Variants in RBFOX1 observed in about 807,000 individuals in gnomAD.
RBFOX1 encodes the protein RNA binding protein fox-1 homolog 1.
RBFOX1 carries 8 observed loss-of-function variants against 57.7 expected under a neutral mutation model. The ratio of observed to expected loss-of-function variants is 0.14; its 90% CI spans 0.08 to 0.25. The LOEUF is 0.25. Ranked by LOEUF, RBFOX1 falls within the 10% of genes least tolerant of loss-of-function variation. The probability of loss-of-function intolerance (pLI) is 1.00; values close to 1 mark genes in which losing one functional copy is unlikely to be tolerated. For synonymous variants in RBFOX1, 326 were observed against 222.4 expected (o/e 1.47, Z -4.15); for missense variants, 611 against 548.5 (o/e 1.11, Z -1.14).
Position 6,305,084 on chromosome 16 carries a change from C to G in RBFOX1, c.-126-11911C>G, listed in dbSNP as rs559712481. On this transcript the variant is annotated intron_variant, in intron 1 of 15. Transcript: ENST00000550418. Reference sequence around the variant, plus strand: ...AGCTAATCACAGCCCCATGGCACGTCTGAGCTCCTTTCTTGTAAAAGCACA... The same window carrying G: ...AGCTAATCACAGCCCCATGGCACGTGTGAGCTCCTTTCTTGTAAAAGCACA... 4.6e-5 allele frequency among the ~76,000 whole-genome samples: 7 copies of G among 152,298 alleles called. 1 individual carries two copies. The highest frequency in any genetic ancestry group is 1.7e-4 in the African/African-American group (7 of 41,574).
At chr16:6,882,904 C>T (rs189052460) in intron 3 of RBFOX1, among the ~76,000 whole-genome samples, 115 of 152,244 alleles carry the variant, frequency 7.6e-4, no homozygotes, top group South Asian at 4.2e-3. Flanking sequence ...ATTATACTTA[C>T]CAGGAGTTAT....
At chr16:5,465,322 C>T (rs1035551286) in intron 1 of RBFOX1, among the ~76,000 whole-genome samples, 9 of 152,154 alleles carry the variant, frequency 5.9e-5, no homozygotes, top group Admixed American at 5.2e-4. Flanking sequence ...CTTATGAAGA[C>T]AGAAGTCAGA....
chr16:7,157,844 C>G (rs550020409), intron 4 of RBFOX1, among the ~76,000 whole-genome samples: 2 of 152,278 alleles, frequency 1.3e-5, no homozygotes, highest in South Asian at 2.1e-4. Context: ...ATCTGATAGT[C>G]TACTTCAGGG....
chr16:6,230,347 ATATT>A (rs2097449640), intron 1 of RBFOX1, among the ~76,000 whole-genome samples: 1 of 152,138 alleles, frequency 6.6e-6, no homozygotes, highest in Non-Finnish European at 1.5e-5. Context: ...TAAGGAAAAA[ATATT>A]TATTATCTCC....
chr16:6,249,748 C>G (rs534164041), intron 1 of RBFOX1, among the ~76,000 whole-genome samples: 2 of 150,198 alleles, frequency 1.3e-5, no homozygotes, highest in African/African-American at 4.9e-5. Flanking sequence ...TGAAGAGTGT[C>G]CTGATCAGCT....
At chr16:5,701,911 A>G (rs984735873) in intron 3 of RBFOX1, among the ~76,000 whole-genome samples, 14 of 152,214 alleles carry the variant, frequency 9.2e-5, no homozygotes, top group Admixed American at 9.2e-4. Context: ...GTTTTGCTAA[A>G]TTCTTCCACA....
At chr16:6,426,385 A>G (rs1229748255) in intron 2 of RBFOX1, among the ~76,000 whole-genome samples, 1 of 152,256 alleles carries the variant, frequency 6.6e-6, no homozygotes, top group Non-Finnish European at 1.5e-5. Flanking sequence ...AGTGTCCAGG[A>G]AAGAGAGAGA....
chr16:6,858,215 G>A (rs1310074548), intron 3 of RBFOX1, among the ~76,000 whole-genome samples: 1 of 152,162 alleles, frequency 6.6e-6, no homozygotes, highest in African/African-American at 2.4e-5. Context: ...GTTGGTAAAC[G>A]AAGGTTGAAT....
intron 4 of RBFOX1, among the ~76,000 whole-genome samples, chr16:7,156,201 C>G (rs776305348): frequency 1.3e-5 from 2 of 151,836 alleles, no homozygotes; most frequent in African/African-American, 2.4e-5. Context: ...TTTCTCAAGA[C>G]TTGCTACTCT....
intron 6 of RBFOX1, among the ~76,000 whole-genome samples, chr16:7,580,420 G>A (rs758605856): frequency 6.6e-6 from 1 of 152,132 alleles, no homozygotes. Context: ...GCATAAAGCT[G>A]ATTTTAGCAA....
intron 4 of RBFOX1, among the ~76,000 whole-genome samples, chr16:7,195,220 A>G (rs369294287): frequency 6.6e-6 from 1 of 152,168 alleles, no homozygotes; most frequent in Non-Finnish European, 1.5e-5. Flanking sequence ...AGTTTCCCAG[A>G]ATAGCCTTAT....
chr16:7,029,077 TATATACACAC>T (rs1280682304), intron 3 of RBFOX1, among the ~76,000 whole-genome samples: 14 of 44,556 alleles, frequency 3.1e-4, no homozygotes, highest in Admixed American at 1.8e-3. Flanking sequence ...TATATATATA[TATATACACAC>T]ACACACACAC....
rs1185334537 is a variant in RBFOX1 at position 6,778,377 on chromosome 16, A to G, written c.-16+123727A>G. On this transcript the variant is annotated intron_variant, in intron 3 of 15. Transcript: ENST00000550418. ...ACTCATAGCCAATCATGTTTAATCTATATCCCCACTTGTTTTCTCCACATT... is the reference window on the plus strand; with the variant it reads ...ACTCATAGCCAATCATGTTTAATCTGTATCCCCACTTGTTTTCTCCACATT... Among the ~76,000 whole-genome samples, 6 of 152,284 alleles carry G rather than the reference A, an allele frequency of 3.9e-5. No individual in the cohort carries two copies. In the East Asian group the frequency reaches 5.8e-4, roughly 15 times the overall value.
intron 4 of RBFOX1, among the ~76,000 whole-genome samples, chr16:7,433,871 G>A (rs2098701849): frequency 6.6e-6 from 1 of 152,204 alleles, no homozygotes; most frequent in South Asian, 2.1e-4. Context: ...ATGACAGGGA[G>A]AGAAAGGTAA....
chr16:7,192,859 C>A (rs1247035697), intron 4 of RBFOX1, among the ~76,000 whole-genome samples: 1 of 152,120 alleles, frequency 6.6e-6, no homozygotes, highest in African/African-American at 2.4e-5. Context: ...AAGATGAAGT[C>A]CGAGGATCAT....
intron 9 of RBFOX1, among the ~76,000 whole-genome samples, chr16:7,602,170 A>T (rs2095058660): frequency 6.6e-6 from 1 of 152,212 alleles, no homozygotes; most frequent in Non-Finnish European, 1.5e-5. Context: ...TTTAACACCC[A>T]ATGCAGTCAT....
Position 6,188,146 on chromosome 16 carries a change from A to G in RBFOX1, c.-126-128849A>G, listed in dbSNP as rs1598198436. Among the ~76,000 whole-genome samples, 8 of 152,274 alleles carry G rather than the reference A, an allele frequency of 5.3e-5. No homozygotes were observed. The South Asian group carries it at 1.7e-3, about 32-fold the overall frequency. ...AAGTTTTGCATCCCATGAAAACTGT[A>G]TCTTCTATGTATGCTCAGTTGGATA... On this transcript the variant is annotated intron_variant, in intron 1 of 15. Transcript: ENST00000550418.
At chr16:6,760,300 C>A (rs891869694) in intron 3 of RBFOX1, among the ~76,000 whole-genome samples, 37 of 152,220 alleles carry the variant, frequency 2.4e-4, no homozygotes, top group Non-Finnish European at 4.3e-4. Context: ...AGAGCATTGG[C>A]ACCTATGTTT....
chr16:5,680,215 CT>C (rs1448487847), intron 3 of RBFOX1, among the ~76,000 whole-genome samples: 3 of 152,148 alleles, frequency 2.0e-5, no homozygotes, highest in Non-Finnish European at 4.4e-5. Context: ...ACCATGAAAC[CT>C]TTCACGATTT....
Sources: allele counts gnomAD v4.1 joint callset (sites outside exome capture counted in the v4.1 genomes callset), GRCh38; gene constraint gnomAD v4.1.1; transcripts MANE v1.5; gene names NCBI Gene and HGNC (gene_info 2026-07-23, HGNC 2026-07-21).